Variants in CNTNAP2 observed in about 807,000 individuals in gnomAD.
CNTNAP2 encodes contactin-associated protein-like 2.
CNTNAP2 carries 98 observed loss-of-function variants against 155.2 expected under a neutral mutation model. That is an observed-to-expected ratio of 0.63 (90% CI 0.54 to 0.75). The LOEUF is 0.75. Ranked by LOEUF, CNTNAP2 falls within the 30% of genes least tolerant of loss-of-function variation. The pLI, the probability that CNTNAP2 is intolerant of heterozygous loss-of-function variation, is 0.00. For synonymous variants in CNTNAP2, 651 were observed against 631.2 expected (o/e 1.03, Z -0.47); for missense variants, 1,727 against 1,688.1 (o/e 1.02, Z -0.40).
rs1170185440 is a variant in CNTNAP2 at position 147,199,626 on chromosome 7, G to A, written c.1348+67117G>A. Among the ~76,000 whole-genome samples the A allele has an allele frequency of 2.7e-5, 4 of 149,338 alleles. 1 individual carries two copies. Among genetic ancestry groups the A allele is most frequent in the Admixed American group, 1.3e-4 (2 of 14,982 alleles). On this transcript the variant is annotated intron_variant, in intron 8 of 23. Transcript: ENST00000361727. ...TTTTTTTTCAAGATCAAGTCTTTTT[G>A]TAGGGCTTGTTGTTGTTTTTTATTG...
In CNTNAP2 at chr7:147,741,850, A is replaced by G. The variant is rs551431701; in HGVS notation, c.2098+102544A>G. Among the ~76,000 whole-genome samples, 7 of 152,276 alleles carry G rather than the reference A, an allele frequency of 4.6e-5. No homozygotes were observed. In the East Asian group the frequency reaches 1.2e-3, roughly 25 times the overall value. On this transcript the variant is annotated intron_variant, in intron 13 of 23. Coordinates refer to ENST00000361727, the MANE Select transcript of CNTNAP2 (RefSeq NM_014141.6). Reference sequence around the variant, plus strand: ...TGATTCCATCCTATTTTATGTTATTATTATCTTGATGGCTGTATTAGTCCA... The same window carrying G: ...TGATTCCATCCTATTTTATGTTATTGTTATCTTGATGGCTGTATTAGTCCA...
chr7:148,121,978 C>A (rs1484284932), intron 16 of CNTNAP2, among the ~76,000 whole-genome samples: 1 of 152,144 alleles, frequency 6.6e-6, no homozygotes, highest in Non-Finnish European at 1.5e-5. Context: ...CCTCAAAGAT[C>A]TTTCTGTTTG....
intron 3 of CNTNAP2, among the ~76,000 whole-genome samples, chr7:146,934,450 G>T (rs967570479): frequency 3.2e-5 from 4 of 123,980 alleles, no homozygotes; most frequent in Non-Finnish European, 6.6e-5. Flanking sequence ...GTGGGGTGGG[G>T]GGAGGGGGAA....
chr7:146,870,788 A>C (rs1388290268), intron 3 of CNTNAP2, among the ~76,000 whole-genome samples: 1 of 152,174 alleles, frequency 6.6e-6, no homozygotes, highest in Admixed American at 6.6e-5. Flanking sequence ...AAAAATTTTT[A>C]TTAAAAATAA....
chr7:147,778,500 G>T (rs1395725699), intron 13 of CNTNAP2, among the ~76,000 whole-genome samples: 6 of 152,062 alleles, frequency 3.9e-5, no homozygotes, highest in Admixed American at 3.9e-4. Flanking sequence ...TATTATCTGT[G>T]GAATTAAAAT....
At chr7:147,948,157 G>T (rs1369545327) in intron 14 of CNTNAP2, among the ~76,000 whole-genome samples, 2 of 151,774 alleles carry the variant, frequency 1.3e-5, no homozygotes, top group East Asian at 3.9e-4. Flanking sequence ...ATCCTCAATG[G>T]TGAACTTAAA....
At chr7:147,627,817 C>T (rs10279620) in intron 12 of CNTNAP2, among the ~76,000 whole-genome samples, 8 of 149,460 alleles carry the variant, frequency 5.4e-5, no homozygotes, top group South Asian at 2.1e-4. Context: ...GACACACTTA[C>T]GGAAATACAA....
At chr7:146,796,543 CAAGATATG>C (rs1213890636) in intron 2 of CNTNAP2, among the ~76,000 whole-genome samples, 1 of 151,910 alleles carries the variant, frequency 6.6e-6, no homozygotes, top group African/African-American at 2.4e-5. Flanking sequence ...TATTGTAGAT[CAAGATATG>C]AAGATAAAGA....
At chr7:146,308,478 G>C (rs531818438) in intron 1 of CNTNAP2, among the ~76,000 whole-genome samples, 1 of 152,046 alleles carries the variant, frequency 6.6e-6, no homozygotes, top group Non-Finnish European at 1.5e-5. Flanking sequence ...CCATTACTGC[G>C]CATATACCCA....
At chr7:146,846,811 A>C (rs1294438275) in intron 3 of CNTNAP2, among the ~76,000 whole-genome samples, 1 of 152,164 alleles carries the variant, frequency 6.6e-6, no homozygotes, top group Non-Finnish European at 1.5e-5. Context: ...AAAATGTTAT[A>C]ATCTCATAAG....
chr7:146,946,507 A>AT (rs962145380), intron 3 of CNTNAP2, among the ~76,000 whole-genome samples: 2 of 152,126 alleles, frequency 1.3e-5, no homozygotes, highest in Non-Finnish European at 2.9e-5. Flanking sequence ...CTTTAATAAC[A>AT]TTTTTTAGGT....
At chr7:146,943,010 A>G (rs748206887) in intron 3 of CNTNAP2, among the ~76,000 whole-genome samples, 4 of 152,322 alleles carry the variant, frequency 2.6e-5, no homozygotes, top group Non-Finnish European at 5.9e-5. Context: ...GTAAAATAAA[A>G]TAGAGTGTAC....
intron 2 of CNTNAP2, among the ~76,000 whole-genome samples, chr7:146,775,572 G>C: frequency 6.6e-6 from 1 of 150,964 alleles, no homozygotes; most frequent in East Asian, 1.9e-4. Flanking sequence ...GGGAGGGAAG[G>C]AGAAAGGGAG....
intron 15 of CNTNAP2, among the ~76,000 whole-genome samples, chr7:148,054,687 T>C (rs529282819): frequency 6.6e-6 from 1 of 152,148 alleles, no homozygotes; most frequent in African/African-American, 2.4e-5. Flanking sequence ...ATAAGATCTA[T>C]AGTTCTTTGC....
chr7:146,416,275 C>A (rs750435214), intron 1 of CNTNAP2, among the ~76,000 whole-genome samples: 28 of 150,056 alleles, frequency 1.9e-4, no homozygotes, highest in Non-Finnish European at 3.1e-4. Context: ...TACATATATA[C>A]CTATATATAT....
chr7:147,604,433 T>G (rs913606861), intron 12 of CNTNAP2, among the ~76,000 whole-genome samples: 7 of 152,230 alleles, frequency 4.6e-5, no homozygotes, highest in Non-Finnish European at 1.0e-4. Context: ...TGTCCCATGT[T>G]CAGCCAGTGG....
intron 2 of CNTNAP2, among the ~76,000 whole-genome samples, chr7:146,794,922 T>A (rs117279869): frequency 0.016 from 2,371 of 152,344 alleles, 26 homozygotes; most frequent in Non-Finnish European, 0.027. Flanking sequence ...TGTACTGCCT[T>A]AAACATTCAT....
At chr7:146,457,939 G>T (rs749865459) in intron 1 of CNTNAP2, among the ~76,000 whole-genome samples, 5 of 152,076 alleles carry the variant, frequency 3.3e-5, no homozygotes, top group Non-Finnish European at 7.4e-5. Context: ...ATGAGTTACT[G>T]TCATACACTT....
At position 146,861,372 on chromosome 7, in the gene CNTNAP2, T is replaced by C. The variant is rs541802719; in HGVS notation, c.402+21468T>C. Among the ~76,000 whole-genome samples the C allele has an allele frequency of 4.1e-4, 62 of 152,258 alleles. 1 individual carries two copies. Among genetic ancestry groups the C allele is most frequent in the Non-Finnish European group, 7.8e-4 (53 of 67,998 alleles). On this transcript the variant is annotated intron_variant, in intron 3 of 23. Transcript: ENST00000361727. Reference sequence around the variant, plus strand: ...TTACCCTTTCATTTTCTTGAACACATTTTAAAATTTTTAAAAATTTACAAT... The same window carrying C: ...TTACCCTTTCATTTTCTTGAACACACTTTAAAATTTTTAAAAATTTACAAT...
Sources: allele counts gnomAD v4.1 joint callset (sites outside exome capture counted in the v4.1 genomes callset), GRCh38; gene constraint gnomAD v4.1.1; transcripts MANE v1.5; gene names NCBI Gene and HGNC (gene_info 2026-07-23, HGNC 2026-07-21).